The following ADAMTS18 variants were observed in gnomAD, a reference collection of about 807,000 sequenced individuals.
ADAMTS18 encodes the protein A disintegrin and metalloproteinase with thrombospondin motifs 18.
Under a neutral mutation model 165.9 loss-of-function variants are expected in ADAMTS18, and 157 were observed. The ratio of observed to expected loss-of-function variants is 0.95; its 90% CI spans 0.83 to 1.08. ADAMTS18 has a LOEUF of 1.08. Among genes scored for constraint, ADAMTS18 ranks in the 50% least tolerant of loss-of-function variants. The probability of loss-of-function intolerance (pLI) is 0.00; values close to 1 mark genes in which losing one functional copy is unlikely to be tolerated. For synonymous variants in ADAMTS18, 782 were observed against 578.2 expected (o/e 1.35, Z -5.06); for missense variants, 2,040 against 1,534.0 (o/e 1.33, Z -5.51).
intron 8 of ADAMTS18, among the ~76,000 whole-genome samples, chr16:77,356,799 A>T (rs944287664): frequency 1.3e-5 from 2 of 152,154 alleles, no homozygotes; most frequent in Non-Finnish European, 2.9e-5. Flanking sequence ...CATGCACATT[A>T]TACCTGAAGA....
At chr16:77,331,331 A>G (rs978098774) in intron 12 of ADAMTS18, among the ~76,000 whole-genome samples, 1 of 152,156 alleles carries the variant, frequency 6.6e-6, no homozygotes, top group Non-Finnish European at 1.5e-5. Context: ...AAATGTTGTA[A>G]TGGATGAAAA....
intron 3 of ADAMTS18, among the ~76,000 whole-genome samples, chr16:77,426,950 G>A (rs927208492): frequency 6.6e-6 from 1 of 152,126 alleles, no homozygotes; most frequent in African/African-American, 2.4e-5. Context: ...GGAAGTTGAG[G>A]CTCCAGTGAG....
chr16:77,353,599 C>T (rs2056586085), intron 10 of ADAMTS18, 134 bp downstream of exon 10: 1 of 1,227,026 alleles, frequency 8.1e-7, no homozygotes, highest in Non-Finnish European at 1.2e-6. Context: ...AATTATCATG[C>T]CAAACAACTG....
chr16:77,328,641 A>T (rs1006197056), intron 12 of ADAMTS18, among the ~76,000 whole-genome samples: 8 of 152,226 alleles, frequency 5.3e-5, no homozygotes, highest in African/African-American at 1.9e-4. Flanking sequence ...AAAATCTTTA[A>T]GTGCTATATC....
intron 3 of ADAMTS18, among the ~76,000 whole-genome samples, chr16:77,394,484 G>T (rs909309984): frequency 6.6e-6 from 1 of 152,048 alleles, no homozygotes; most frequent in Non-Finnish European, 1.5e-5. Flanking sequence ...AGTGTTAATG[G>T]AGAAGAAAGT....
rs1567492244 is a variant in ADAMTS18, at chr16:77,334,851, A to ATATACTATAGTATACAGTATATATAC, written c.1859+904_1859+905insGTATATATACTGTATACTATAGTATA. Among the ~76,000 whole-genome samples the ATATACTATAGTATACAGTATATATAC allele has an allele frequency of 3.8e-3, 470 of 124,448 alleles. 10 individuals are homozygous for ATATACTATAGTATACAGTATATATAC. The highest frequency in any genetic ancestry group is 0.015 in the African/African-American group (453 of 30,976). 81.6% of individuals were successfully genotyped at this position (124,448 alleles called of 152,430 possible). Reference sequence around the variant, plus strand: ...TATACTATAGTATACAGTATATATAATATACTATAATGTACAGTATATGCA... The same window carrying ATATACTATAGTATACAGTATATATAC: ...TATACTATAGTATACAGTATATATAATATACTATAGTATACAGTATATATACTATACTATAATGTACAGTATATGCA... On this transcript the variant is annotated intron_variant, in intron 12 of 22. Transcript: ENST00000282849.
chr16:77,432,669 G>C (rs1443885374), intron 2 of ADAMTS18, among the ~76,000 whole-genome samples: 3 of 152,084 alleles, frequency 2.0e-5, no homozygotes, highest in Non-Finnish European at 4.4e-5. Flanking sequence ...GAATAATGAC[G>C]AGGTATGTTT....
At chr16:77,429,277 CT>C (rs2057709947) in intron 3 of ADAMTS18, among the ~76,000 whole-genome samples, 1 of 152,172 alleles carries the variant, frequency 6.6e-6, no homozygotes, top group Non-Finnish European at 1.5e-5. Flanking sequence ...GAGATCAGGT[CT>C]TTTGCAGGAA....
intron 3 of ADAMTS18, among the ~76,000 whole-genome samples, chr16:77,374,370 C>T (rs760990610): frequency 6.6e-6 from 1 of 152,102 alleles, no homozygotes; most frequent in Admixed American, 6.5e-5. Context: ...ATATTTCAGA[C>T]GTGAAGCCAT....
rs547247996 is a variant in ADAMTS18 at position 77,430,385 on chromosome 16, T to C, written c.495+910A>G. ...TGAAAGTTTCAACTAACAAAGAACATGGGAGTCCGCATTCACCCGTACCCA... is the reference window on the plus strand; with the variant it reads ...TGAAAGTTTCAACTAACAAAGAACACGGGAGTCCGCATTCACCCGTACCCA... On this transcript the variant is annotated intron_variant, in intron 3 of 22. Coordinates refer to ENST00000282849, the MANE Select transcript of ADAMTS18 (RefSeq NM_199355.4). Among the ~76,000 whole-genome samples, 34 of 152,278 alleles carry C rather than the reference T, an allele frequency of 2.2e-4. No individual in the cohort carries two copies. The East Asian group carries it at 6.2e-3, about 28-fold the overall frequency.
intron 3 of ADAMTS18, among the ~76,000 whole-genome samples, chr16:77,387,691 GTTT>G (rs2057128737): frequency 6.6e-6 from 1 of 152,180 alleles, no homozygotes; most frequent in African/African-American, 2.4e-5. Flanking sequence ...TGGATGTTGA[GTTT>G]TTTAACTTCT....
Position 77,414,003 on chromosome 16 carries a change from T to G in ADAMTS18, c.495+17292A>C, listed in dbSNP as rs539623569. Among the ~76,000 whole-genome samples, 14 of 152,288 alleles carry G rather than the reference T, an allele frequency of 9.2e-5. No homozygotes were observed. In the South Asian group the frequency reaches 2.3e-3, roughly 25 times the overall value. ...TTGTACAGTTTTCTATACAACTACA[T>G]AGAAATATGATGACATAGAAATTTC... On this transcript the variant is annotated intron_variant, in intron 3 of 22. Transcript: ENST00000282849.
intron 18 of ADAMTS18, among the ~76,000 whole-genome samples, chr16:77,295,375 A>G (rs1207193858): frequency 6.6e-6 from 1 of 151,426 alleles, no homozygotes; most frequent in African/African-American, 2.4e-5. Flanking sequence ...GAAGAAATAC[A>G]TGCCACTTTA....
At chr16:77,290,569 A>G (rs534008132) in intron 21 of ADAMTS18, 1 of 154,090 alleles carries the variant, frequency 6.5e-6, no homozygotes, top group South Asian at 2.0e-4. Context: ...GTACATATTG[A>G]TACCTCTACC....
At chr16:77,379,842 C>G (rs946300976) in intron 3 of ADAMTS18, among the ~76,000 whole-genome samples, 1 of 152,150 alleles carries the variant, frequency 6.6e-6, no homozygotes, top group African/African-American at 2.4e-5. Context: ...CAGTGAACAC[C>G]TGAGCACTTC....
intron 17 of ADAMTS18, 25 bp downstream of exon 17, chr16:77,300,238 G>C (rs1196836823): frequency 2.5e-6 from 4 of 1,613,788 alleles, no homozygotes; most frequent in Middle Eastern, 1.7e-4. Flanking sequence ...ACAGACTTTG[G>C]AGACAGAATG....
At chr16:77,389,893 A>T (rs1382170080) in intron 3 of ADAMTS18, among the ~76,000 whole-genome samples, 2 of 152,188 alleles carry the variant, frequency 1.3e-5, no homozygotes, top group Non-Finnish European at 2.9e-5. Context: ...TGTTTTTAGA[A>T]GCCCTAAATA....
intron 7 of ADAMTS18, 76 bp downstream of exon 7, chr16:77,362,029 A>G (rs1597171321): frequency 2.0e-6 from 3 of 1,488,796 alleles, no homozygotes; most frequent in African/African-American, 2.8e-5. Flanking sequence ...CATAAGGGCT[A>G]TCCATCATCC....
intron 8 of ADAMTS18, among the ~76,000 whole-genome samples, chr16:77,356,455 G>A (rs1355609282): frequency 6.6e-6 from 1 of 152,122 alleles, no homozygotes; most frequent in Non-Finnish European, 1.5e-5. Flanking sequence ...CGGAACTATG[G>A]TAAAGAAGTT....
Sources: gnomAD v4.1 joint callset for allele counts (sites outside exome capture counted in the v4.1 genomes callset) on GRCh38, gnomAD v4.1.1 for gene constraint, MANE v1.5 for transcripts, NCBI Gene and HGNC (gene_info 2026-07-23, HGNC 2026-07-21) for gene names.